The following DSCAML1 variants were observed in gnomAD, a reference collection of about 807,000 sequenced individuals.
The protein encoded by DSCAML1 is DS cell adhesion molecule like 1, also known as cell adhesion molecule DSCAML1.
DSCAML1 carries 38 observed loss-of-function variants against 200.5 expected under a neutral mutation model. The observed-to-expected ratio is 0.19, with a 90% CI of 0.15 to 0.25. The LOEUF (loss-of-function observed/expected upper bound fraction) is 0.25, where lower values mean the gene tolerates loss of function less well. DSCAML1 is among the 10% of genes least tolerant of loss of function. The probability of loss-of-function intolerance (pLI) is 1.00; values close to 1 mark genes in which losing one functional copy is unlikely to be tolerated. For missense variants in DSCAML1, 2,223 were observed against 2,858.8 expected (o/e 0.78, Z 5.07); for synonymous variants, 1,215 against 1,165.0 (o/e 1.04, Z -0.87).
intron 3 of DSCAML1, among the ~76,000 whole-genome samples, chr11:117,660,973 T>A (rs2052837007): frequency 6.6e-6 from 1 of 152,222 alleles, no homozygotes; most frequent in Non-Finnish European, 1.5e-5. Context: ...CTTCTATTGG[T>A]AGACAAATAG....
rs921285589 is a variant in DSCAML1 at position 117,750,687 on chromosome 11, G to A, written c.511+26104C>T. On this transcript the variant is annotated intron_variant, in intron 3 of 32. Transcript: ENST00000651296. ...TGAAGGTTCTAGTGGAACAACCCCT[G>A]GCTTGGGAGTCAGAAGACTGGTTCA... 2.0e-5 allele frequency among the ~76,000 whole-genome samples: 3 copies of A among 152,188 alleles called. No homozygotes were observed. In the East Asian group the frequency reaches 5.8e-4, roughly 29 times the overall value.
intron 3 of DSCAML1, among the ~76,000 whole-genome samples, chr11:117,751,684 G>A (rs1247530865): frequency 6.6e-6 from 1 of 152,116 alleles, no homozygotes; most frequent in Non-Finnish European, 1.5e-5. Flanking sequence ...AAAACCCACA[G>A]CCTCCTCAGT....
intron 3 of DSCAML1, among the ~76,000 whole-genome samples, chr11:117,664,592 A>G (rs1591376753): frequency 6.6e-6 from 1 of 152,188 alleles, no homozygotes; most frequent in Non-Finnish European, 1.5e-5. Context: ...TTTCACCTCA[A>G]TTTAAAAAAG....
rs1417384232 is a variant in DSCAML1 at position 117,780,692 on chromosome 11, C to A, written c.165G>T (p.Ala55=). 2 of 1,587,980 alleles carry A rather than the reference C, an allele frequency of 1.3e-6. No individual in the cohort carries two copies. Among genetic ancestry groups the A allele is most frequent in the Non-Finnish European group, 8.6e-7 (1 of 1,166,068 alleles). Residue 55 remains alanine (A), a synonymous_variant, in exon 2 of 33, where the codon GCG becomes GCT. Transcript: ENST00000651296. This position sits in a 1 kb window ranked among gnomAD's most constrained non-coding sequence, Gnocchi z 4.8. ...CTGTGGCCAGGTACCATCGAAGGGC[C>A]GCGCTGGGGGAGCCCGCGGCCGGGC... ...VPCPAAGSPS[A]ALRWYLATGD... is the part of the protein sequence containing the mutation.
intron 3 of DSCAML1, among the ~76,000 whole-genome samples, chr11:117,564,419 C>T (rs536971487): frequency 2.2e-4 from 34 of 152,340 alleles, no homozygotes; most frequent in Admixed American, 1.8e-3. Context: ...GCCAAAGGGA[C>T]ATTGCTCTGC....
rs534191488 is a variant in DSCAML1, at chr11:117,483,215, A to G, written c.2360-1053T>C. The stretch of plus-strand genomic sequence containing the variant: ...CCTCCGCCCAACTCAATGAACACAC[A>G]TGGGGCACTTATGCCATCATGAGAC... On this transcript the variant is annotated intron_variant, in intron 11 of 32. Transcript: ENST00000651296. Among the ~76,000 whole-genome samples, 7 of 152,228 alleles carry G rather than the reference A, an allele frequency of 4.6e-5. No homozygotes were observed. The South Asian group carries it at 1.5e-3, about 32-fold the overall frequency.
At chr11:117,754,490 G>C (rs1478936367) in intron 3 of DSCAML1, among the ~76,000 whole-genome samples, 1 of 152,116 alleles carries the variant, frequency 6.6e-6, no homozygotes, top group East Asian at 1.9e-4. Context: ...GGGAAGCACA[G>C]GGGTGATGGG....
chr11:117,444,343 G>C (rs532380887), intron 20 of DSCAML1, among the ~76,000 whole-genome samples: 1 of 152,300 alleles, frequency 6.6e-6, no homozygotes, highest in South Asian at 2.1e-4. Flanking sequence ...TTAGGTGAGG[G>C]ACGGGGTAGC....
In DSCAML1 at chr11:117,653,755, G is replaced by T. The variant is rs548474617; in HGVS notation, c.512-121233C>A. ...TACATCCAAGAAAAAGCGTGCACAA[G>T]AATGTTTATAGCAGCATTACTCACA... On this transcript the variant is annotated intron_variant, in intron 3 of 32. Coordinates refer to ENST00000651296, the MANE Select transcript of DSCAML1 (RefSeq NM_020693.4). Among the ~76,000 whole-genome samples the T allele has an allele frequency of 1.4e-4, 21 of 152,282 alleles. No individual in the cohort carries two copies. The East Asian group carries it at 4.1e-3, about 29-fold the overall frequency.
chr11:117,525,872 A>G (rs901510018), intron 4 of DSCAML1, among the ~76,000 whole-genome samples: 2 of 152,160 alleles, frequency 1.3e-5, no homozygotes, highest in African/African-American at 2.4e-5. Flanking sequence ...AGGACGATCT[A>G]TCTGTTCCTG....
intron 3 of DSCAML1, among the ~76,000 whole-genome samples, chr11:117,563,755 T>C (rs376972417): frequency 6.6e-6 from 1 of 152,114 alleles, no homozygotes; most frequent in East Asian, 1.9e-4. Context: ...TTGTACTGCT[T>C]CTCTATGGGA....
chr11:117,442,752 C>T (rs2048094289), intron 21 of DSCAML1, among the ~76,000 whole-genome samples: 1 of 152,154 alleles, frequency 6.6e-6, no homozygotes, highest in Non-Finnish European at 1.5e-5. Context: ...AGGCCCCTTC[C>T]CTTCCTGAAG....
intron 3 of DSCAML1, chr11:117,611,386 G>C (rs1018229512): frequency 1.3e-5 from 2 of 152,074 alleles, no homozygotes; most frequent in Non-Finnish European, 2.9e-5. Context: ...ACAGTGGCTT[G>C]TGGGGTCATC....
chr11:117,442,517 CGT>C (rs927151072), intron 21 of DSCAML1, among the ~76,000 whole-genome samples: 4 of 151,804 alleles, frequency 2.6e-5, no homozygotes, highest in South Asian at 4.2e-4. Context: ...TGTGTGTGTG[CGT>C]GTGTGTGTAT....
At chr11:117,620,780 C>T (rs1047564203) in intron 3 of DSCAML1, among the ~76,000 whole-genome samples, 3 of 152,174 alleles carry the variant, frequency 2.0e-5, no homozygotes, top group African/African-American at 7.2e-5. Context: ...AGATGAATTC[C>T]AATTCCCTTT....
chr11:117,496,728 G>A (rs1592665645), intron 11 of DSCAML1, among the ~76,000 whole-genome samples: 2 of 152,172 alleles, frequency 1.3e-5, no homozygotes, highest in Non-Finnish European at 2.9e-5. Context: ...CTAAGAAGGA[G>A]GTAAGAGCCC....
At chr11:117,495,235 G>A (rs985594363) in intron 11 of DSCAML1, among the ~76,000 whole-genome samples, 1 of 152,100 alleles carries the variant, frequency 6.6e-6, no homozygotes, top group Non-Finnish European at 1.5e-5. Flanking sequence ...CCCAGCTGGC[G>A]GTAGGCAGGC....
At chr11:117,547,061 G>T (rs1046385932) in intron 3 of DSCAML1, among the ~76,000 whole-genome samples, 1 of 152,126 alleles carries the variant, frequency 6.6e-6, no homozygotes, top group Non-Finnish European at 1.5e-5. Flanking sequence ...GGCGAGGAGT[G>T]GGGAGAGGGA....
intron 21 of DSCAML1, among the ~76,000 whole-genome samples, chr11:117,442,256 G>T (rs1217157457): frequency 2.0e-5 from 3 of 151,836 alleles, no homozygotes; most frequent in African/African-American, 7.3e-5. Flanking sequence ...ATGTGCATAT[G>T]TGTGTGCATG....
Sources: gnomAD v4.1 joint callset for allele counts (sites outside exome capture counted in the v4.1 genomes callset) on GRCh38, gnomAD v4.1.1 for gene constraint, Gnocchi (gnomAD v3.1) non-coding constraint, MANE v1.5 for transcripts, NCBI Gene and HGNC (gene_info 2026-07-23, HGNC 2026-07-21) for gene names.